The following PAK5 variants were observed in gnomAD, a reference collection of about 807,000 sequenced individuals.
PAK5 encodes the protein serine/threonine-protein kinase PAK 5.
PAK5 carries 16 observed loss-of-function variants against 65.9 expected under a neutral mutation model. The ratio of observed to expected loss-of-function variants is 0.24; its 90% CI spans 0.16 to 0.37. The LOEUF is 0.37. PAK5 is among the 10% of genes least tolerant of loss of function. The pLI is 1.00. For synonymous variants in PAK5, 371 were observed against 354.9 expected (o/e 1.05, Z -0.51); for missense variants, 785 against 903.9 (o/e 0.87, Z 1.69).
chr20:9,757,333 G>A (rs2048646753), intron 1 of PAK5, among the ~76,000 whole-genome samples: 1 of 152,104 alleles, frequency 6.6e-6, no homozygotes, highest in Non-Finnish European at 1.5e-5. Flanking sequence ...TGTAGTGATA[G>A]CCTTATGACT....
intron 2 of PAK5, among the ~76,000 whole-genome samples, chr20:9,669,136 T>C (rs757036473): frequency 2.3e-4 from 35 of 152,348 alleles, no homozygotes; most frequent in Non-Finnish European, 4.3e-4. Flanking sequence ...GTAACACATC[T>C]TTTAAGACAC....
chr20:9,766,999 C>G (rs2048775860), intron 1 of PAK5, among the ~76,000 whole-genome samples: 1 of 152,016 alleles, frequency 6.6e-6, no homozygotes, highest in African/African-American at 2.4e-5. Context: ...CCACAAGATG[C>G]TGATGCCTGA....
intron 3 of PAK5, among the ~76,000 whole-genome samples, chr20:9,630,722 A>C (rs2123225186): frequency 6.6e-6 from 1 of 152,336 alleles, no homozygotes; most frequent in African/African-American, 2.4e-5. Context: ...AAGAACCCTG[A>C]GGGAGGAGCC....
intron 2 of PAK5, among the ~76,000 whole-genome samples, chr20:9,650,221 A>G (rs931958328): frequency 6.6e-6 from 1 of 152,222 alleles, no homozygotes; most frequent in Non-Finnish European, 1.5e-5. Flanking sequence ...ATGATAGACA[A>G]GGGAGTGGTT....
chr20:9,541,458 T>G (rs962719511), intron 9 of PAK5, among the ~76,000 whole-genome samples: 1 of 152,186 alleles, frequency 6.6e-6, no homozygotes, highest in African/African-American at 2.4e-5. Context: ...TGACCTTCAT[T>G]GCCCTGTACA....
At chr20:9,579,502 A>T (rs1477512449) in intron 4 of PAK5, among the ~76,000 whole-genome samples, 3 of 152,218 alleles carry the variant, frequency 2.0e-5, no homozygotes. Flanking sequence ...TAACATTTAA[A>T]CAAAATTTAA....
At chr20:9,634,978 G>A (rs1034965947) in intron 3 of PAK5, among the ~76,000 whole-genome samples, 4 of 152,114 alleles carry the variant, frequency 2.6e-5, no homozygotes, top group Admixed American at 6.6e-5. Flanking sequence ...CTCTCCTCCC[G>A]CTGAGGGCCT....
intron 3 of PAK5, among the ~76,000 whole-genome samples, chr20:9,641,052 C>G (rs1222600653): frequency 1.3e-5 from 2 of 152,090 alleles, no homozygotes; most frequent in Non-Finnish European, 2.9e-5. Context: ...TGGTAGAGCC[C>G]AGTGGCCTGT....
intron 1 of PAK5, among the ~76,000 whole-genome samples, chr20:9,719,507 A>C (rs946123360): frequency 6.6e-6 from 1 of 152,152 alleles, no homozygotes; most frequent in Non-Finnish European, 1.5e-5. Flanking sequence ...ACTGTGAACT[A>C]TACTATTATC....
intron 7 of PAK5, among the ~76,000 whole-genome samples, chr20:9,547,608 T>C (rs2045364293): frequency 6.6e-6 from 1 of 152,144 alleles, no homozygotes; most frequent in African/African-American, 2.4e-5. Context: ...AGAGCAAAGT[T>C]ACAGGCTGAA....
rs1480350331 is a variant in PAK5 at position 9,690,736 on chromosome 20, T to G, written c.-12+20550A>C. On this transcript the variant is annotated intron_variant, in intron 2 of 9. Coordinates refer to ENST00000353224, the MANE Select transcript of PAK5 (RefSeq NM_177990.4). ...TCCAGGGGTAGTCCTCAGCATTTCT[T>G]TCTTTCTTTCTTTCTTTTTTTTTTT... Among the ~76,000 whole-genome samples the G allele has an allele frequency of 7.5e-5, 10 of 134,082 alleles. No individual in the cohort carries two copies. The Admixed American group carries it at 7.6e-4, about 10-fold the overall frequency. The allele number at this position is 134,082 out of a possible 152,430, so 88.0% of individuals were successfully genotyped here.
intron 1 of PAK5, among the ~76,000 whole-genome samples, chr20:9,798,348 G>T (rs1481890540): frequency 6.6e-6 from 1 of 152,118 alleles, no homozygotes; most frequent in Admixed American, 6.6e-5. Context: ...TCAGTATGGT[G>T]AGAGGGGAAT....
chr20:9,834,040 TG>T (rs1476344452), intron 1 of PAK5, among the ~76,000 whole-genome samples: 5 of 152,208 alleles, frequency 3.3e-5, no homozygotes, highest in African/African-American at 1.2e-4. Flanking sequence ...ACTGAAATTT[TG>T]TACTAGTTCC....
chr20:9,551,531 AG>A (rs1451388109), intron 7 of PAK5, among the ~76,000 whole-genome samples: 1 of 152,136 alleles, frequency 6.6e-6, no homozygotes, highest in Admixed American at 6.6e-5. Flanking sequence ...GGCTAGTGAG[AG>A]TGGGCAAAAG....
chr20:9,754,484 G>C (rs1372888522), intron 1 of PAK5, among the ~76,000 whole-genome samples: 1 of 152,120 alleles, frequency 6.6e-6, no homozygotes, highest in African/African-American at 2.4e-5. Flanking sequence ...GGTGGTGCCA[G>C]GTGATCCATT....
At chr20:9,628,137 G>C (rs2046872816) in intron 3 of PAK5, among the ~76,000 whole-genome samples, 2 of 152,138 alleles carry the variant, frequency 1.3e-5, no homozygotes, top group Non-Finnish European at 2.9e-5. Flanking sequence ...CATTTGGTTT[G>C]ATTCATTTTT....
intron 1 of PAK5, among the ~76,000 whole-genome samples, chr20:9,742,412 G>T (rs570577861): frequency 1.6e-4 from 24 of 152,192 alleles, no homozygotes; most frequent in Admixed American, 6.5e-5. Context: ...TCATTAATCA[G>T]ATGGAAGTGG....
chr20:9,789,805 G>A lies in PAK5; in HGVS notation c.-162+48957C>T, dbSNP rs139878183. On this transcript the variant is annotated intron_variant, in intron 1 of 9. Coordinates refer to ENST00000353224, the MANE Select transcript of PAK5 (RefSeq NM_177990.4). The stretch of plus-strand genomic sequence containing the variant: ...CCTTCTCCCTTAACCTCCAGTGATG[G>A]TTACAAAGTCACTCTTGATCACCAT... 3.3e-5 allele frequency among the ~76,000 whole-genome samples: 5 copies of A among 152,226 alleles called. No individual in the cohort carries two copies. The East Asian group carries it at 9.7e-4, about 29-fold the overall frequency.
chr20:9,554,114 C>A (rs1298111489), intron 7 of PAK5, among the ~76,000 whole-genome samples: 2 of 152,332 alleles, frequency 1.3e-5, no homozygotes, highest in South Asian at 2.1e-4. Flanking sequence ...AACCCAATAT[C>A]TCTTGTGTGG....
Sources: allele counts gnomAD v4.1 joint callset (sites outside exome capture counted in the v4.1 genomes callset), GRCh38; gene constraint gnomAD v4.1.1; transcripts MANE v1.5; gene names NCBI Gene and HGNC (gene_info 2026-07-23, HGNC 2026-07-21).